The following TTC7A variants were observed in gnomAD, a reference collection of about 807,000 sequenced individuals.
TTC7A encodes the protein tetratricopeptide repeat domain 7A.
TTC7A carries 110 observed loss-of-function variants against 103.7 expected under a neutral mutation model. That is an observed-to-expected ratio of 1.06 (90% CI 0.91 to 1.24). The LOEUF (loss-of-function observed/expected upper bound fraction) is 1.24. TTC7A is among the 50% of genes most tolerant of loss of function. TTC7A has a pLI of 0.00. For synonymous variants in TTC7A, 521 were observed against 467.9 expected, an observed-to-expected ratio of 1.11 and a Z score of -1.47; for missense variants, 1,340 against 1,116.3, an observed-to-expected ratio of 1.20 and a Z score of -2.86.
In TTC7A at chr2:47,023,399, C is replaced by A; in HGVS notation, c.1511-9C>A. ...CCTGATGGCTCAGTTTCTGTCCTGT[C>A]CCCTGCAGCCACCCTGAAGTCCAAG... On this transcript the variant is annotated splice_polypyrimidine_tract_variant and intron_variant, in intron 12 of 19. Transcript: ENST00000319190. The A allele has an allele frequency of 6.2e-7, 1 of 1,613,846 alleles. No homozygotes were observed. The highest frequency in any genetic ancestry group is 8.5e-7 in the Non-Finnish European group (1 of 1,179,930).
intron 2 of TTC7A, among the ~76,000 whole-genome samples, chr2:46,931,695 TAAA>T (rs1267651976): frequency 6.8e-6 from 1 of 146,974 alleles, no homozygotes; most frequent in Non-Finnish European, 1.5e-5. Flanking sequence ...CAGACAATAA[TAAA>T]TAAATAAATA....
intron 2 of TTC7A, among the ~76,000 whole-genome samples, chr2:46,929,623 C>T (rs548110735): frequency 1.1e-4 from 17 of 152,160 alleles, no homozygotes; most frequent in South Asian, 6.2e-4. Context: ...ATAGCTAACA[C>T]GGGGGTACAG....
chr2:46,948,989 T>G lies in TTC7A; in HGVS notation c.185-1374T>G, dbSNP rs548842125. On this transcript the variant is annotated intron_variant, in intron 1 of 19. Coordinates refer to ENST00000319190, the MANE Select transcript of TTC7A (RefSeq NM_020458.4). The stretch of plus-strand genomic sequence containing the variant: ...GGGTAGTTGAGAGGATCCAATTCAC[T>G]CAACAGGTATTTACTCAGTGCTTAT... Among the ~76,000 whole-genome samples, 4 of 152,310 alleles carry G rather than the reference T, an allele frequency of 2.6e-5. No individual in the cohort carries two copies. In the East Asian group the frequency reaches 7.7e-4, roughly 29 times the overall value.
chr2:46,944,103 A>G (rs1283475813), intron 1 of TTC7A, among the ~76,000 whole-genome samples: 2 of 152,194 alleles, frequency 1.3e-5, no homozygotes, highest in Non-Finnish European at 2.9e-5. Context: ...AGATTAGGTC[A>G]GGATGGAGCA....
At position 46,997,591 on chromosome 2, in the gene TTC7A, ACTCGAACATGTC is replaced by A. The variant is rs112883656; in HGVS notation, c.1065+2395_1065+2406del. On this transcript the variant is annotated intron_variant, in intron 8 of 19. Transcript: ENST00000319190. ...TATACTAATAAGCCTTGAAGCCATG[ACTCGAACATGTC>A]CTTCTCCCTCAGCAGTTTCCAAGCC... Among the ~76,000 whole-genome samples the A allele has an allele frequency of 1.0e-3, 153 of 152,204 alleles. 1 individual carries two copies. The highest frequency in any genetic ancestry group is 3.6e-3 in the African/African-American group (148 of 41,522).
intron 18 of TTC7A, among the ~76,000 whole-genome samples, chr2:47,052,295 T>C (rs1257283045): frequency 6.6e-6 from 1 of 152,192 alleles, no homozygotes; most frequent in African/African-American, 2.4e-5. Context: ...ACAGTCCCTC[T>C]TGGTAACTAA....
intron 15 of TTC7A, chr2:47,035,378 C>T (rs1385116437): frequency 1.3e-5 from 2 of 152,240 alleles, no homozygotes; most frequent in Non-Finnish European, 2.9e-5. Flanking sequence ...TTGCAAGCCA[C>T]GTGGCAGAGG....
chr2:47,023,881 C>T (rs1450080499), intron 13 of TTC7A, among the ~76,000 whole-genome samples: 1 of 151,414 alleles, frequency 6.6e-6, no homozygotes, highest in Non-Finnish European at 1.5e-5. Flanking sequence ...CCCCTTCCAC[C>T]ATCCCCAGCC....
chr2:46,990,854 A>G (rs1404579693), intron 5 of TTC7A, among the ~76,000 whole-genome samples: 1 of 152,190 alleles, frequency 6.6e-6, no homozygotes, highest in Non-Finnish European at 1.5e-5. Flanking sequence ...TTGAGTGTCC[A>G]TCAGAACCCC....
chr2:47,038,213 C>T (rs1238629829), intron 15 of TTC7A, among the ~76,000 whole-genome samples: 1 of 150,726 alleles, frequency 6.6e-6, no homozygotes, highest in Non-Finnish European at 1.5e-5. Context: ...GAGCCGAGAT[C>T]ACGCCACTGC....
At chr2:46,942,932 G>T (rs1462012644) in intron 1 of TTC7A, among the ~76,000 whole-genome samples, 1 of 152,152 alleles carries the variant, frequency 6.6e-6, no homozygotes, top group South Asian at 2.1e-4. Flanking sequence ...TTGAGACAGG[G>T]TCTCTCTCTG....
At chr2:46,942,583 G>C (rs1045278536) in intron 1 of TTC7A, among the ~76,000 whole-genome samples, 3 of 152,172 alleles carry the variant, frequency 2.0e-5, no homozygotes, top group African/African-American at 7.2e-5. Flanking sequence ...TGCTTCCTGT[G>C]TGCCAGACAC....
chr2:47,028,354 G>A (rs1012974471), intron 14 of TTC7A, among the ~76,000 whole-genome samples: 4 of 152,326 alleles, frequency 2.6e-5, no homozygotes, highest in South Asian at 2.1e-4. Flanking sequence ...CAAATCACCC[G>A]TGCCCTCTGC....
At chr2:46,987,809 C>CGTGTGTGTGTGT (rs34664382) in intron 5 of TTC7A, among the ~76,000 whole-genome samples, 2,554 of 144,604 alleles carry the variant, frequency 0.018, 22 homozygotes, top group East Asian at 0.029. Context: ...CCTTTCCGCG[C>CGTGTGTGTGTGT]GTGTGTGTGT....
At chr2:47,023,540 C>A in intron 13 of TTC7A, 75 bp downstream of exon 13, 2 of 1,419,672 alleles carry the variant, frequency 1.4e-6, no homozygotes, top group Non-Finnish European at 2.0e-6. Flanking sequence ...CGTCATCAGA[C>A]CCTCTGATGT....
intron 3 of TTC7A, among the ~76,000 whole-genome samples, chr2:46,970,353 C>T (rs1016774763): frequency 6.6e-6 from 1 of 152,106 alleles, no homozygotes; most frequent in African/African-American, 2.4e-5. Context: ...GAGGCCCCTG[C>T]GGGGAGTGGA....
At chr2:47,044,191 C>T (rs1682063905) in intron 15 of TTC7A, among the ~76,000 whole-genome samples, 1 of 152,246 alleles carries the variant, frequency 6.6e-6, no homozygotes, top group African/African-American at 2.4e-5. Flanking sequence ...TCCCACTCCA[C>T]CCTGCTTTTC....
intron 18 of TTC7A, chr2:47,054,181 C>T (rs550499851): frequency 3.0e-6 from 3 of 985,314 alleles, no homozygotes; most frequent in South Asian, 4.7e-5. Flanking sequence ...TATTAGGAGA[C>T]CAGTTTGGGT....
upstream of TTC7A, chr2:46,915,978 T>C (rs1004634102): frequency 1.9e-4 from 188 of 985,266 alleles, no homozygotes; most frequent in African/African-American, 2.8e-4. Flanking sequence ...GCAGTTCTTC[T>C]ACCTGCTTTC....
Sources: allele counts gnomAD v4.1 joint callset (sites outside exome capture counted in the v4.1 genomes callset), GRCh38; gene constraint gnomAD v4.1.1; transcripts MANE v1.5; gene names NCBI Gene and HGNC (gene_info 2026-07-23, HGNC 2026-07-21).